CYS1: variants seen among roughly 807,000 people sequenced by gnomAD.
CYS1 encodes the protein cystin 1.
A neutral mutation model predicts 9.6 loss-of-function variants in CYS1; 5 were observed. The ratio of observed to expected loss-of-function variants is 0.52; its 90% CI spans 0.27 to 1.10. The LOEUF (loss-of-function observed/expected upper bound fraction) is 1.10. Ranked by LOEUF, CYS1 falls within the 50% of genes least tolerant of loss-of-function variation. The pLI is 0.11. For missense variants in CYS1, 221 were observed against 207.9 expected (o/e 1.06, Z -0.39); for synonymous variants, 88 against 95.7 (o/e 0.92, Z 0.47).
rs986467981 is a variant in CYS1, at chr2:10,063,455, T to G, written c.371+2449A>C. ...TTCAAACATACTGAAAAGTTAAAAT[T>G]TGTAGATTCAACAATTAAGTTCAAC... On this transcript the variant is annotated intron_variant, in intron 2 of 2. Coordinates refer to ENST00000381813, the MANE Select transcript of CYS1 (RefSeq NM_001037160.3). This position sits in a 1 kb window ranked among gnomAD's most constrained non-coding sequence, Gnocchi z 4.2. Among the ~76,000 whole-genome samples, 4 of 152,234 alleles carry G rather than the reference T, an allele frequency of 2.6e-5. No homozygotes were observed. The highest frequency in any genetic ancestry group is 9.6e-5 in the African/African-American group (4 of 41,472).
chr2:10,061,276 A>G (rs1661623168), intron 2 of CYS1, among the ~76,000 whole-genome samples: 1 of 151,354 alleles, frequency 6.6e-6, no homozygotes, highest in East Asian at 1.9e-4. Flanking sequence ...AAAAAGGCAG[A>G]GTAAGGGACC....
rs188057671 is a variant in CYS1, at chr2:10,076,189, A to T, written c.318+3717T>A. 2.2e-3 allele frequency among the ~76,000 whole-genome samples: 333 copies of T among 152,278 alleles called. 2 individuals carry two copies. Among genetic ancestry groups the T allele is most frequent in the South Asian group, 8.9e-3 (43 of 4,820 alleles). ...CAAGATTCCATCTCAAAAATAAAAT[A>T]AAAATTAAAATTAAAATACTGAATC... On this transcript the variant is annotated intron_variant, in intron 1 of 2. Transcript: ENST00000381813. The surrounding 1 kb of genome is among the most constrained non-coding windows in gnomAD (Gnocchi z 4.3).
intron 2 of CYS1, among the ~76,000 whole-genome samples, chr2:10,060,834 G>A (rs760004104): frequency 6.6e-5 from 10 of 152,244 alleles, no homozygotes; most frequent in Non-Finnish European, 1.2e-4. Flanking sequence ...CACGAGTCCA[G>A]CCTGAGGGCT....
chr2:10,069,735 T>C (rs1226244633), intron 1 of CYS1, among the ~76,000 whole-genome samples: 2 of 152,312 alleles, frequency 1.3e-5, no homozygotes, highest in Non-Finnish European at 2.9e-5. Flanking sequence ...CCTAATGGAA[T>C]GCAAGGCAGA....
intron 2 of CYS1, among the ~76,000 whole-genome samples, 190 bp downstream of exon 2, chr2:10,065,714 G>A (rs1661686147): frequency 6.6e-6 from 1 of 152,246 alleles, no homozygotes; most frequent in African/African-American, 2.4e-5. Context: ...GCGGTGAGAT[G>A]GTTAGCCTTC....
chr2:10,060,712 C>T (rs1400778482), intron 2 of CYS1, among the ~76,000 whole-genome samples: 2 of 152,358 alleles, frequency 1.3e-5, no homozygotes, highest in Admixed American at 1.3e-4. Flanking sequence ...GAAATGCAGA[C>T]GTTCTGGAGC....
rs886581519 is a variant in CYS1 at position 10,058,516 on chromosome 2, A to T, written c.*337T>A. The T allele has an allele frequency of 2.1e-5, 5 of 241,216 alleles. No individual in the cohort carries two copies. The highest frequency in any genetic ancestry group is 1.0e-4 in the Admixed American group (2 of 19,234). The allele number at this position is 241,216 out of a possible 1,614,324, so 14.9% of individuals were successfully genotyped here. A position where few individuals can be genotyped will look rare whatever the true frequency, so the allele number is the denominator to read the frequency against. On this transcript the variant is annotated 3_prime_UTR_variant, in exon 3 of 3. Transcript: ENST00000381813. ...TCGCTTGTGTCACCTAGTCCTCGTG[A>T]GCCCTCCCCACTGTGGAGAGCGGGC...
At chr2:10,064,855 T>A (rs947267856) in intron 2 of CYS1, among the ~76,000 whole-genome samples, 3 of 151,658 alleles carry the variant, frequency 2.0e-5, no homozygotes, top group African/African-American at 7.3e-5. Flanking sequence ...GTAGCTGGGA[T>A]TACAGGTGCG....
At chr2:10,064,233 AAAAAT>A (rs1661665537) in intron 2 of CYS1, among the ~76,000 whole-genome samples, 1 of 152,164 alleles carries the variant, frequency 6.6e-6, no homozygotes, top group Admixed American at 6.5e-5. Flanking sequence ...CAAAAAAATA[AAAAAT>A]AAAATAAAAA....
intron 1 of CYS1, among the ~76,000 whole-genome samples, chr2:10,077,385 A>G (rs1350577922): frequency 6.6e-6 from 1 of 152,256 alleles, no homozygotes; most frequent in African/African-American, 2.4e-5. Context: ...ACAGTGGTCA[A>G]AATTTTTAAA....
In CYS1 at chr2:10,080,156, G is replaced by A. The variant is rs1390864461; in HGVS notation, c.68C>T (p.Ala23Val). 1.9e-6 allele frequency: 2 copies of A among 1,053,806 alleles called. No individual in the cohort carries two copies. The highest frequency in any genetic ancestry group is 7.7e-5 in the South Asian group (2 of 26,018). The allele number at this position is 1,053,806 out of a possible 1,614,324, so 65.3% of individuals were successfully genotyped here. ...RRRRSPESLP[A>V]GPGAAALEGG... ...CTCCAGGGCTGCCGCTCCGGGCCCC[G>A]CGGGGAGGCTCTCGGGGCTGCGCCG... Residue 23 changes from alanine to valine, a missense_variant, in exon 1 of 3, where the codon GCG becomes GTG. Transcript: ENST00000381813. This position sits in a 1 kb window ranked among gnomAD's most constrained non-coding sequence, Gnocchi z 6.4.
At chr2:10,069,328 T>A (rs990442316) in intron 1 of CYS1, among the ~76,000 whole-genome samples, 1 of 152,216 alleles carries the variant, frequency 6.6e-6, no homozygotes, top group Non-Finnish European at 1.5e-5. Context: ...TTATCTCCTA[T>A]TACCCTTTCT....
chr2:10,059,784 G>A (rs1363379449), intron 2 of CYS1, among the ~76,000 whole-genome samples: 1 of 152,286 alleles, frequency 6.6e-6, no homozygotes, highest in African/African-American at 2.4e-5. Flanking sequence ...GGGTCTCACA[G>A]GAGCTGCTCA....
intron 1 of CYS1, among the ~76,000 whole-genome samples, chr2:10,077,395 A>G (rs993192158): frequency 6.6e-6 from 1 of 152,250 alleles, no homozygotes; most frequent in African/African-American, 2.4e-5. Flanking sequence ...AAATTTTTAA[A>G]TGTGAGTGCT....
intron 2 of CYS1, among the ~76,000 whole-genome samples, chr2:10,064,985 G>A (rs774716998): frequency 2.0e-5 from 3 of 150,972 alleles, no homozygotes; most frequent in Non-Finnish European, 4.4e-5. Flanking sequence ...CAAGTGATCC[G>A]CCTGCCTAGG....
Position 10,080,236 on chromosome 2 carries a change from G to T in CYS1, c.-13C>A, listed in dbSNP as rs1200629397. 1.1e-5 allele frequency: 11 copies of T among 1,045,088 alleles called. No homozygotes were observed. Among genetic ancestry groups the T allele is most frequent in the Admixed American group, 1.1e-4 (2 of 17,680 alleles). 64.7% of individuals were successfully genotyped at this position (1,045,088 alleles called of 1,614,324 possible). A position where few individuals can be genotyped will look rare whatever the true frequency, so the allele number is the denominator to read the frequency against. ...TGCCGCTGCCCATGGCGCGCCCGCC[G>T]CCTCCCGGACCGCCGAGGGGGCCCC... is the stretch of plus-strand genomic sequence containing the variant. On this transcript the variant is annotated 5_prime_UTR_variant, in exon 1 of 3. Coordinates refer to ENST00000381813, the MANE Select transcript of CYS1 (RefSeq NM_001037160.3). The surrounding 1 kb of genome is among the most constrained non-coding windows in gnomAD (Gnocchi z 6.4).
chr2:10,075,395 C>T (rs56242692), intron 1 of CYS1, among the ~76,000 whole-genome samples: 33,305 of 152,200 alleles, frequency 0.22, 4,140 homozygotes, highest in South Asian at 0.34. Context: ...TTTGGGGGTC[C>T]GCACCATCCT....
Position 10,076,270 on chromosome 2 carries a change from G to A in CYS1, c.318+3636C>T, listed in dbSNP as rs1334856723. Reference sequence around the variant, plus strand: ...CTCCAAGGGTTCCTTCAAATTTCACGAGGGCATCTAATGCTCAAAACCTCC... The same window carrying A: ...CTCCAAGGGTTCCTTCAAATTTCACAAGGGCATCTAATGCTCAAAACCTCC... On this transcript the variant is annotated intron_variant, in intron 1 of 2. Transcript: ENST00000381813. This position sits in a 1 kb window ranked among gnomAD's most constrained non-coding sequence, Gnocchi z 4.3. 6.6e-6 allele frequency among the ~76,000 whole-genome samples: 1 copy of A among 152,060 alleles called. No individual in the cohort carries two copies. The highest frequency in any genetic ancestry group is 1.5e-5 in the Non-Finnish European group (1 of 68,028).
chr2:10,061,158 G>C lies in CYS1; in HGVS notation c.372-2200C>G, dbSNP rs1455780364. Among the ~76,000 whole-genome samples the C allele has an allele frequency of 3.3e-5, 5 of 152,292 alleles. No individual in the cohort carries two copies. In the East Asian group the frequency reaches 9.6e-4, roughly 29 times the overall value. On this transcript the variant is annotated intron_variant, in intron 2 of 2. Transcript: ENST00000381813. Reference sequence around the variant, plus strand: ...GAGGCTGGAGAATCACTTGAGCCTGGGAAGTGGAGTTTGCAATGAGCTGAA... The same window carrying C: ...GAGGCTGGAGAATCACTTGAGCCTGCGAAGTGGAGTTTGCAATGAGCTGAA...
Sources: allele counts gnomAD v4.1 joint callset (sites outside exome capture counted in the v4.1 genomes callset), GRCh38; gene constraint gnomAD v4.1.1; non-coding constraint Gnocchi (gnomAD v3.1); transcripts MANE v1.5; gene names NCBI Gene and HGNC (gene_info 2026-07-23, HGNC 2026-07-21).